Variants in SPOCK3 observed in about 807,000 individuals in gnomAD.
SPOCK3 encodes testican-3.
A neutral mutation model predicts 56.6 loss-of-function variants in SPOCK3; 30 were observed. The observed-to-expected ratio is 0.53, with a 90% CI of 0.40 to 0.72. The LOEUF (loss-of-function observed/expected upper bound fraction) is 0.72. Among genes scored for constraint, SPOCK3 ranks in the 30% least tolerant of loss-of-function variants. SPOCK3 has a pLI of 0.00. For synonymous variants in SPOCK3, 196 were observed against 183.3 expected (o/e 1.07, Z -0.56); for missense variants, 527 against 530.0 (o/e 0.99, Z 0.06).
chr4:167,092,430 T>C (rs1474665547), intron 2 of SPOCK3, among the ~76,000 whole-genome samples: 1 of 152,172 alleles, frequency 6.6e-6, no homozygotes, highest in African/African-American at 2.4e-5. Flanking sequence ...TCTTATTTTA[T>C]CTTAGTGCCT....
intron 2 of SPOCK3, among the ~76,000 whole-genome samples, chr4:167,074,984 AT>A (rs1159234454): frequency 6.6e-6 from 1 of 151,950 alleles, no homozygotes; most frequent in Non-Finnish European, 1.5e-5. Flanking sequence ...AGCATGTATC[AT>A]TTTTGGTTTA....
intron 3 of SPOCK3, among the ~76,000 whole-genome samples, chr4:167,028,254 A>G (rs1751905259): frequency 1.3e-5 from 2 of 151,162 alleles, no homozygotes; most frequent in South Asian, 2.1e-4. Context: ...GCTTGGTGGT[A>G]CATGCATTGC....
intron 2 of SPOCK3, among the ~76,000 whole-genome samples, chr4:167,177,278 G>A (rs2150481003): frequency 6.6e-6 from 1 of 152,042 alleles, no homozygotes; most frequent in East Asian, 1.9e-4. Context: ...AGGGACAGAG[G>A]GACAACTAAC....
intron 6 of SPOCK3, among the ~76,000 whole-genome samples, chr4:166,826,866 A>G (rs1218143063): frequency 6.6e-6 from 1 of 152,104 alleles, no homozygotes; most frequent in African/African-American, 2.4e-5. Context: ...GAAGAGGGCA[A>G]ATGGCCTGGA....
Position 167,193,252 on chromosome 4 carries a change from C to G in SPOCK3, c.189+40733G>C, listed in dbSNP as rs534443772. Among the ~76,000 whole-genome samples, 11 of 145,810 alleles carry G rather than the reference C, an allele frequency of 7.5e-5. No homozygotes were observed. In the Admixed American group the frequency reaches 7.8e-4, roughly 10 times the overall value. On this transcript the variant is annotated intron_variant, in intron 2 of 10. Transcript: ENST00000357545. ...CTTGTTGATTTTCTTTGTAGTATTA[C>G]GGTTTTATTCCTTTCCCTTTATATT...
intron 6 of SPOCK3, among the ~76,000 whole-genome samples, chr4:166,885,446 C>T (rs766963987): frequency 3.8e-5 from 4 of 105,050 alleles, no homozygotes; most frequent in Non-Finnish European, 8.4e-5. Flanking sequence ...ATGTTTGACT[C>T]AGATAAATTA....
At chr4:167,130,900 C>A (rs981417983) in intron 2 of SPOCK3, among the ~76,000 whole-genome samples, 4 of 151,922 alleles carry the variant, frequency 2.6e-5, no homozygotes, top group Non-Finnish European at 5.9e-5. Context: ...TGTCTTAATT[C>A]CAGAGGGAAA....
intron 4 of SPOCK3, among the ~76,000 whole-genome samples, chr4:166,944,255 GAT>G (rs1488377524): frequency 6.6e-6 from 1 of 151,942 alleles, no homozygotes; most frequent in East Asian, 1.9e-4. Context: ...GGATTGTATA[GAT>G]ATATGAGTAT....
chr4:166,850,811 G>T (rs1729922024), intron 6 of SPOCK3, among the ~76,000 whole-genome samples: 1 of 152,196 alleles, frequency 6.6e-6, no homozygotes, highest in South Asian at 2.1e-4. Flanking sequence ...TGGCTCGGAG[G>T]GTCCTACACC....
At chr4:167,064,200 T>A (rs1755882008) in intron 2 of SPOCK3, among the ~76,000 whole-genome samples, 1 of 151,840 alleles carries the variant, frequency 6.6e-6, no homozygotes, top group South Asian at 2.1e-4. Flanking sequence ...CCCCACCAAT[T>A]TCAAATTTTT....
intron 6 of SPOCK3, among the ~76,000 whole-genome samples, chr4:166,823,068 A>T (rs1464820199): frequency 6.6e-6 from 1 of 152,102 alleles, no homozygotes; most frequent in Non-Finnish European, 1.5e-5. Context: ...AAGAGTTCAC[A>T]TTATGATGAA....
intron 2 of SPOCK3, among the ~76,000 whole-genome samples, chr4:167,201,085 T>C (rs1733471393): frequency 6.6e-6 from 1 of 151,922 alleles, no homozygotes; most frequent in Non-Finnish European, 1.5e-5. Context: ...GCATGATGGA[T>C]AGAAAAACAG....
chr4:166,833,787 C>A (rs1449728169), intron 6 of SPOCK3, among the ~76,000 whole-genome samples: 2 of 152,070 alleles, frequency 1.3e-5, no homozygotes, highest in African/African-American at 2.4e-5. Flanking sequence ...TCCTTTTTAG[C>A]ATTCTTGCTT....
At chr4:166,751,199 C>T (rs1736334605) in intron 8 of SPOCK3, among the ~76,000 whole-genome samples, 1 of 152,120 alleles carries the variant, frequency 6.6e-6, no homozygotes, top group Admixed American at 6.6e-5. Flanking sequence ...CCAAATCCTC[C>T]ATATTTATTT....
chr4:167,144,539 A>G (rs1290061457), intron 2 of SPOCK3, among the ~76,000 whole-genome samples: 1 of 152,014 alleles, frequency 6.6e-6, no homozygotes, highest in African/African-American at 2.4e-5. Context: ...CAAGCACTCC[A>G]TAAAATATAA....
At chr4:166,954,572 A>C (rs997513715) in intron 4 of SPOCK3, among the ~76,000 whole-genome samples, 1 of 152,004 alleles carries the variant, frequency 6.6e-6, no homozygotes, top group Non-Finnish European at 1.5e-5. Context: ...TCCTTTTCCC[A>C]TTGTGTGTTC....
intron 2 of SPOCK3, among the ~76,000 whole-genome samples, chr4:167,153,241 G>A (rs1172419151): frequency 6.6e-6 from 1 of 152,114 alleles, no homozygotes; most frequent in Non-Finnish European, 1.5e-5. Context: ...CCTCCATGAG[G>A]CTATCTTCCT....
intron 6 of SPOCK3, among the ~76,000 whole-genome samples, chr4:166,870,604 C>T (rs933016976): frequency 6.6e-6 from 1 of 151,868 alleles, no homozygotes; most frequent in Non-Finnish European, 1.5e-5. Context: ...TTCTAAGTAA[C>T]CCACAAGTCA....
At chr4:166,811,436 T>C (rs1033323700) in intron 6 of SPOCK3, among the ~76,000 whole-genome samples, 13 of 151,848 alleles carry the variant, frequency 8.6e-5, no homozygotes, top group African/African-American at 3.1e-4. Context: ...ATGTTTTTTT[T>C]CACTCCATTG....
Sources: gnomAD v4.1 joint callset for allele counts (sites outside exome capture counted in the v4.1 genomes callset) on GRCh38, gnomAD v4.1.1 for gene constraint, MANE v1.5 for transcripts, NCBI Gene and HGNC (gene_info 2026-07-23, HGNC 2026-07-21) for gene names.